The following TNFSF14 variants were observed in gnomAD, a reference collection of about 807,000 sequenced individuals.
TNFSF14 encodes the protein tumor necrosis factor ligand superfamily member 14.
In TNFSF14, 15 loss-of-function variants were observed where a neutral mutation model predicts 22.7. The ratio of observed to expected loss-of-function variants is 0.66; its 90% CI spans 0.44 to 1.02. TNFSF14 has a LOEUF of 1.02. Ranked by LOEUF, TNFSF14 falls within the 50% of genes least tolerant of loss-of-function variation. The probability of loss-of-function intolerance (pLI) is 0.00; values close to 1 mark genes in which losing one functional copy is unlikely to be tolerated. For synonymous variants in TNFSF14, 133 were observed against 139.6 expected, an observed-to-expected ratio of 0.95 and a Z score of 0.33; for missense variants, 287 against 326.2, an observed-to-expected ratio of 0.88 and a Z score of 0.93.
At position 6,663,015 on chromosome 19, in the gene TNFSF14, G is replaced by T. The variant is rs1025297115; in HGVS notation, c.*1911C>A. ...ATTACCTCCATCCCTCTGCCTCTAGGAGCCACCACTTGTTGCTGATGGTTG... is the reference window on the plus strand; with the variant it reads ...ATTACCTCCATCCCTCTGCCTCTAGTAGCCACCACTTGTTGCTGATGGTTG... On this transcript the variant is annotated 3_prime_UTR_variant, in exon 4 of 4. Coordinates refer to ENST00000675206, the MANE Select transcript of TNFSF14 (RefSeq NM_001376887.1). 1.3e-5 allele frequency: 2 copies of T among 152,170 alleles called. No homozygotes were observed. Among genetic ancestry groups the T allele is most frequent in the African/African-American group, 4.8e-5 (2 of 41,414 alleles). 9.4% of individuals were successfully genotyped at this position (152,170 alleles called of 1,614,324 possible). A position where few individuals can be genotyped will look rare whatever the true frequency, so the allele number is the denominator to read the frequency against.
chr19:6,665,478 G>T, intron 3 of TNFSF14, 128 bp from the exon 4 acceptor site: 1 of 1,046,336 alleles, frequency 9.6e-7, no homozygotes, highest in Non-Finnish European at 1.3e-6. Context: ...GCATGATCTC[G>T]GCTTACTGCA....
At chr19:6,670,211 C>T (rs1203457804), upstream of TNFSF14, 9 of 1,452,724 alleles carry the variant, frequency 6.2e-6, no homozygotes, top group Admixed American at 1.8e-4. Context: ...AGCCCCACCC[C>T]TTCCCCCACT....
chr19:6,667,379 C>T, intron 2 of TNFSF14, 34 bp downstream of exon 2: 1 of 1,525,122 alleles, frequency 6.6e-7, no homozygotes. Flanking sequence ...GGAATCATCA[C>T]ACCTCCTTCC....
In TNFSF14 at chr19:6,670,075, A is replaced by G. The variant is rs574579006; in HGVS notation, c.-6T>C. On this transcript the variant is annotated 5_prime_UTR_variant, in exon 1 of 4. Coordinates refer to ENST00000675206, the MANE Select transcript of TNFSF14 (RefSeq NM_001376887.1). Reference sequence around the variant, plus strand: ...CGTACGACACTCTCCTCCATGCCCAAGGTGTCTGGAGCAGGGCTGACACGC... The same window carrying G: ...CGTACGACACTCTCCTCCATGCCCAGGGTGTCTGGAGCAGGGCTGACACGC... 3.7e-6 allele frequency: 6 copies of G among 1,613,176 alleles called. No individual in the cohort carries two copies. In the East Asian group the frequency reaches 1.1e-4, roughly 30 times the overall value.
intron 1 of TNFSF14, among the ~76,000 whole-genome samples, chr19:6,669,122 C>T (rs1917516552): frequency 6.6e-6 from 1 of 152,206 alleles, no homozygotes; most frequent in Admixed American, 6.5e-5. Flanking sequence ...CAGCTGGAAG[C>T]AGACCGAGAA....
chr19:6,669,938 C>G lies in TNFSF14; in HGVS notation c.132G>C (p.Leu44=). The change falls in exon 1 of 4, where the codon CTG becomes CTC. Residue 44 remains leucine (L), a synonymous_variant. Transcript: ENST00000675206. ...CGGCCAGCCCGGCCCCCATCAGCAA[C>G]AGCAAGAGACCCAGACCCACCCGGG... ...SVARVGLGLL[L]LLMGAGLAVQ... 1 of 1,614,074 alleles carries G rather than the reference C, an allele frequency of 6.2e-7. No individual in the cohort carries two copies. Among genetic ancestry groups the G allele is most frequent in the Non-Finnish European group, 8.5e-7 (1 of 1,180,020 alleles).
At chr19:6,668,034 C>T (rs1186162768) in intron 1 of TNFSF14, among the ~76,000 whole-genome samples, 1 of 151,670 alleles carries the variant, frequency 6.6e-6, no homozygotes, top group Non-Finnish European at 1.5e-5. Context: ...GATTCTATCT[C>T]AAAAAATAAA....
Position 6,661,970 on chromosome 19 carries a change from CAT to C in TNFSF14, c.*2954_*2955del, listed in dbSNP as rs1368379648. ...CCTGCATTTCCACTGCAATCTATCA[CAT>C]GTGATGAGTTGTGGAATTTCCCACT... On this transcript the variant is annotated 3_prime_UTR_variant, in exon 4 of 4. Transcript: ENST00000675206. 6.6e-6 allele frequency: 1 copy of C among 152,244 alleles called. No homozygotes were observed. Among genetic ancestry groups the C allele is most frequent in the Admixed American group, 6.5e-5 (1 of 15,272 alleles). 9.4% of individuals were successfully genotyped at this position (152,244 alleles called of 1,614,324 possible). A position where few individuals can be genotyped will look rare whatever the true frequency, so the allele number is the denominator to read the frequency against.
At position 6,670,108 on chromosome 19, in the gene TNFSF14, C is replaced by T; in HGVS notation, c.-39G>A. The stretch of plus-strand genomic sequence containing the variant: ...GGAGCAGGGCTGACACGCCTGGGTC[C>T]TTCAACCTCAGAGGAAACCGAAATT... On this transcript the variant is annotated 5_prime_UTR_variant, in exon 1 of 4. Transcript: ENST00000675206. The T allele has an allele frequency of 6.2e-7, 1 of 1,604,860 alleles. No homozygotes were observed. The highest frequency in any genetic ancestry group is 8.5e-7 in the Non-Finnish European group (1 of 1,172,358).
intron 1 of TNFSF14, among the ~76,000 whole-genome samples, chr19:6,668,049 T>G (rs955792857): frequency 1.3e-5 from 2 of 150,842 alleles, no homozygotes; most frequent in Non-Finnish European, 3.0e-5. Context: ...AATAAATAAA[T>G]AAATAAAAGG....
At chr19:6,665,777 ATG>A (rs1213628420) in intron 3 of TNFSF14, among the ~76,000 whole-genome samples, 2 of 129,688 alleles carry the variant, frequency 1.5e-5, no homozygotes, top group Non-Finnish European at 3.2e-5. Flanking sequence ...GTGTGTGTGC[ATG>A]TGTGCGTGTG....
At chr19:6,666,554 T>C (rs1254632153) in intron 3 of TNFSF14, among the ~76,000 whole-genome samples, 1 of 152,122 alleles carries the variant, frequency 6.6e-6, no homozygotes, top group African/African-American at 2.4e-5. Context: ...GTAGAAAGCG[T>C]GTCACAGCAC....
At position 6,669,838 on chromosome 19, in the gene TNFSF14, C is replaced by G. The variant is rs751629573; in HGVS notation, c.219+13G>C. ...TCACCTCCACCTGCTCTCAGCCCCCCGGTCCCACTCACAGGCAGGCGGGTG... is the reference window on the plus strand; with the variant it reads ...TCACCTCCACCTGCTCTCAGCCCCCGGGTCCCACTCACAGGCAGGCGGGTG... On this transcript the variant is annotated intron_variant, in intron 1 of 3. Transcript: ENST00000675206. 2.5e-6 allele frequency: 4 copies of G among 1,610,066 alleles called. No individual in the cohort carries two copies. The African/African-American group carries it at 4.0e-5, about 16-fold the overall frequency.
intron 1 of TNFSF14, 60 bp downstream of exon 1, chr19:6,669,791 C>T: frequency 6.3e-7 from 1 of 1,588,310 alleles, no homozygotes; most frequent in Non-Finnish European, 8.5e-7. Context: ...CAGTGACCCA[C>T]AATGACACAG....
rs34381198 is a variant in TNFSF14 at position 6,669,737 on chromosome 19, T to TACACACACACAC, written c.219+102_219+113dup. 314 of 1,231,994 alleles carry TACACACACACAC rather than the reference T, an allele frequency of 2.5e-4. 1 individual carries two copies. The African/African-American group carries it at 3.9e-3, about 15-fold the overall frequency. 76.3% of individuals were successfully genotyped at this position (1,231,994 alleles called of 1,614,324 possible). ...GCTGCTCTCAGCCTGTGCCCTGTCC[T>TACACACACACAC]ACACACACACACACACACACACACA... On this transcript the variant is annotated intron_variant, in intron 1 of 3. Transcript: ENST00000675206.
At position 6,669,913 on chromosome 19, in the gene TNFSF14, C is replaced by T. The variant is rs763144962; in HGVS notation, c.157G>A (p.Val53Ile). 13 of 1,613,784 alleles carry T rather than the reference C, an allele frequency of 8.1e-6. 1 individual carries two copies. In the Admixed American group the frequency reaches 1.0e-4, roughly 12 times the overall value. Residue 53 changes from valine (V) to isoleucine (I), a missense_variant, in exon 1 of 4, where the codon GTC becomes ATC. Physicochemically the swap from Val to Ile is conservative, Grantham distance 29. Transcript: ENST00000675206. ...AGCTGCAGGAGGAACCAGCCTTGGA[C>T]GGCCAGCCCGGCCCCCATCAGCAAC... ...LLLLMGAGLAVQGWFLLQLHW... is the reference protein window; with the variant it reads ...LLLLMGAGLAIQGWFLLQLHW...
rs879830086 is a variant in TNFSF14, at chr19:6,664,413, C to T, written c.*513G>A. On this transcript the variant is annotated 3_prime_UTR_variant, in exon 4 of 4. Transcript: ENST00000675206. The surrounding 1 kb of genome is among the most constrained non-coding windows in gnomAD (Gnocchi z 4.7). ...TGTCCGTGGCAGGGTCTGCAGTCTA[C>T]GTGGGTCTTCTGAAGGTGCCTGCTG... 1.4e-4 allele frequency: 21 copies of T among 153,594 alleles called. No individual in the cohort carries two copies. Among genetic ancestry groups the T allele is most frequent in the Non-Finnish European group, 1.9e-4 (13 of 68,934 alleles). The allele number at this position is 153,594 out of a possible 1,614,324, so 9.5% of individuals were successfully genotyped here.
rs1271584505 is a variant in TNFSF14, at chr19:6,664,292, C to T, written c.*634G>A. On this transcript the variant is annotated 3_prime_UTR_variant, in exon 4 of 4. Transcript: ENST00000675206. The surrounding 1 kb of genome is among the most constrained non-coding windows in gnomAD (Gnocchi z 4.7). ...TCTGAATCAAAAGCATAAATACCCA[C>T]CCCTCACCCCTTCTTCCTGAATATC... The T allele has an allele frequency of 1.3e-5, 2 of 152,176 alleles. No individual in the cohort carries two copies. Among genetic ancestry groups the T allele is most frequent in the Non-Finnish European group, 2.9e-5 (2 of 68,046 alleles). 9.4% of individuals were successfully genotyped at this position (152,176 alleles called of 1,614,324 possible).
chr19:6,665,099 G>A lies in TNFSF14; in HGVS notation c.550C>T (p.Gln184Ter). 7 of 1,614,062 alleles carry A rather than the reference G, an allele frequency of 4.3e-6. No homozygotes were observed. Among genetic ancestry groups the A allele is most frequent in the Non-Finnish European group, 5.9e-6 (7 of 1,179,930 alleles). Residue 184 changes from glutamine to a stop codon, truncating the protein, a stop_gained, in exon 4 of 4, where the codon CAG (glutamine) becomes TAG (stop). Coordinates refer to ENST00000675206, the MANE Select transcript of TNFSF14 (RefSeq NM_001376887.1). LOFTEE classifies it high-confidence loss of function. The stretch of plus-strand genomic sequence containing the variant: ...CTGGTGGCCCGTCCGCAGGGTGACT[G>A]CTGGCTGACCAACAGCTCCAGCTCC... Reference protein sequence around the residue: ...PEELELLVSQQSPCGRATSSS... With the variant: ...PEELELLVSQ
Sources: allele counts gnomAD v4.1 joint callset (sites outside exome capture counted in the v4.1 genomes callset), GRCh38; gene constraint gnomAD v4.1.1; non-coding constraint Gnocchi (gnomAD v3.1); transcripts MANE v1.5; gene names NCBI Gene and HGNC (gene_info 2026-07-23, HGNC 2026-07-21).